The following MTOR variants were observed in gnomAD, a reference collection of about 807,000 sequenced individuals.
MTOR encodes the protein serine/threonine-protein kinase mTOR.
Under a neutral mutation model 319.8 loss-of-function variants are expected in MTOR, and 70 were observed. The observed-to-expected ratio is 0.22, with a 90% CI of 0.18 to 0.27. The LOEUF (loss-of-function observed/expected upper bound fraction) is 0.27. MTOR is among the 10% of genes least tolerant of loss of function. The pLI is 1.00. For synonymous variants in MTOR, 1,183 were observed against 1,211.4 expected, an observed-to-expected ratio of 0.98 and a Z score of 0.49; for missense variants, 1,890 against 3,274.4, an observed-to-expected ratio of 0.58 and a Z score of 10.32.
intron 46 of MTOR, among the ~76,000 whole-genome samples, chr1:11,126,028 C>CAA (rs1318070748): frequency 1.3e-5 from 1 of 79,280 alleles, no homozygotes; most frequent in Non-Finnish European, 2.3e-5. Context: ...GCAACAAGAG[C>CAA]AAAACTCTGG....
intron 30 of MTOR, among the ~76,000 whole-genome samples, chr1:11,153,952 C>G (rs1463618160): frequency 6.6e-6 from 1 of 150,738 alleles, no homozygotes. Context: ...GCCTGTAATC[C>G]CAGCTACTCA....
intron 9 of MTOR, among the ~76,000 whole-genome samples, chr1:11,242,307 C>T (rs571347251): frequency 3.3e-5 from 5 of 151,718 alleles, no homozygotes; most frequent in African/African-American, 4.8e-5. Context: ...GAGACCAGCC[C>T]GGCCAAAATG....
At position 11,128,658 on chromosome 1, in the gene MTOR, A is replaced by C. The variant is rs139884982; in HGVS notation, c.5812-106T>G. On this transcript the variant is annotated intron_variant, in intron 41 of 57. Transcript: ENST00000361445. The surrounding 1 kb of genome is among the most constrained non-coding windows in gnomAD (Gnocchi z 5.3). ...TAACTTGTTTCGGTTGATGCTCTGA[A>C]ATGGTTCATTCCCTTCCCTTTAGTT... 12 of 1,217,500 alleles carry C rather than the reference A, an allele frequency of 9.9e-6. No individual in the cohort carries two copies. The African/African-American group carries it at 1.3e-4, about 14-fold the overall frequency. The allele number at this position is 1,217,500 out of a possible 1,614,324, so 75.4% of individuals were successfully genotyped here.
chr1:11,130,826 C>G (rs1422140518), intron 38 of MTOR, 49 bp from the exon 39 acceptor site: 2 of 1,537,764 alleles, frequency 1.3e-6, no homozygotes, highest in Admixed American at 3.9e-5. Context: ...TGACCAACAG[C>G]AGGGCTCAGA....
intron 28 of MTOR, chr1:11,192,195 G>T: frequency 9.2e-7 from 1 of 1,085,644 alleles, no homozygotes; most frequent in Non-Finnish European, 1.4e-6. Context: ...AGAAATAAAG[G>T]CTCAGTCTCT....
chr1:11,183,462 T>C (rs982249443), intron 28 of MTOR, among the ~76,000 whole-genome samples: 2 of 152,112 alleles, frequency 1.3e-5, no homozygotes, highest in African/African-American at 2.4e-5. Context: ...TTGTGCTACC[T>C]TTTTCCTCCT....
At chr1:11,124,388 C>A (rs563944443) in intron 47 of MTOR, 110 bp downstream of exon 47, 2 of 1,397,242 alleles carry the variant, frequency 1.4e-6, no homozygotes, top group Admixed American at 2.2e-5. Flanking sequence ...ATGCCTGGCT[C>A]CCTAATTTTA....
chr1:11,144,916 A>T, intron 33 of MTOR, 52 bp downstream of exon 33: 1 of 1,597,652 alleles, frequency 6.3e-7, no homozygotes, highest in Non-Finnish European at 8.6e-7. Flanking sequence ...TTCTGAAAAA[A>T]GTATGGAAAT....
At position 11,128,193 on chromosome 1, in the gene MTOR, T is replaced by C; in HGVS notation, c.5911-67A>G. 6.3e-7 allele frequency: 1 copy of C among 1,587,780 alleles called. No individual in the cohort carries two copies. Among genetic ancestry groups the C allele is most frequent in the Middle Eastern group, 1.8e-4 (1 of 5,678 alleles). Reference sequence around the variant, plus strand: ...GTTGGGGAAGAGCTGGTATGAATTTTAAGGAGAATAACAAAACAAGTGGTG... The same window carrying C: ...GTTGGGGAAGAGCTGGTATGAATTTCAAGGAGAATAACAAAACAAGTGGTG... On this transcript the variant is annotated intron_variant, in intron 42 of 57. Transcript: ENST00000361445. The surrounding 1 kb of genome is among the most constrained non-coding windows in gnomAD (Gnocchi z 5.3).
chr1:11,219,952 G>A (rs1374861163), intron 19 of MTOR, among the ~76,000 whole-genome samples: 3 of 147,108 alleles, frequency 2.0e-5, no homozygotes, highest in East Asian at 2.0e-4. Context: ...AGGATCACTC[G>A]AACATGGAAG....
chr1:11,124,806 T>A (rs1202678937), intron 46 of MTOR, among the ~76,000 whole-genome samples, 173 bp from the exon 47 acceptor site: 1 of 152,258 alleles, frequency 6.6e-6, no homozygotes, highest in Admixed American at 6.5e-5. Context: ...GCTTTGCCTT[T>A]TATGGTTCTC....
At chr1:11,229,685 G>T (rs1024437488) in intron 18 of MTOR, among the ~76,000 whole-genome samples, 4 of 152,152 alleles carry the variant, frequency 2.6e-5, no homozygotes, top group Non-Finnish European at 1.5e-5. Context: ...GGAATAGTTG[G>T]GAGAATCAAT....
intron 36 of MTOR, among the ~76,000 whole-genome samples, chr1:11,134,904 CA>C (rs1643331968): frequency 6.6e-6 from 1 of 152,132 alleles, no homozygotes; most frequent in Non-Finnish European, 1.5e-5. Context: ...TCCAGCGGAG[CA>C]AAAACTATGG....
chr1:11,107,267 G>T lies in MTOR; in HGVS notation c.*218C>A. On this transcript the variant is annotated 3_prime_UTR_variant, in exon 58 of 58. Coordinates refer to ENST00000361445, the MANE Select transcript of MTOR (RefSeq NM_004958.4). ...TGGTATTACTATGTTTCACTGTCCT[G>T]GGAACCAAATCAAGCCTTGTGTTTC... 6.9e-7 allele frequency: 1 copy of T among 1,440,460 alleles called. No homozygotes were observed. 89.2% of individuals were successfully genotyped at this position (1,440,460 alleles called of 1,614,324 possible). A position where few individuals can be genotyped will look rare whatever the true frequency, so the allele number is the denominator to read the frequency against.
rs956614287 is a variant in MTOR, at chr1:11,151,856, C to G, written c.4470-1630G>C. 2.0e-5 allele frequency among the ~76,000 whole-genome samples: 3 copies of G among 151,902 alleles called. No homozygotes were observed. In the South Asian group the frequency reaches 6.3e-4, roughly 32 times the overall value. ...ATGCAAGCTGTCCCTCCTAACTCAG[C>G]CTCCCTCTATTATTTTTTCAGGATC... is the stretch of plus-strand genomic sequence containing the variant. On this transcript the variant is annotated intron_variant, in intron 30 of 57. Coordinates refer to ENST00000361445, the MANE Select transcript of MTOR (RefSeq NM_004958.4).
intron 30 of MTOR, among the ~76,000 whole-genome samples, chr1:11,155,578 AG>A (rs1644290562): frequency 1.3e-5 from 2 of 152,160 alleles, no homozygotes; most frequent in Admixed American, 6.5e-5. Context: ...TTCTGAAGAC[AG>A]GGGGTCACAG....
intron 19 of MTOR, among the ~76,000 whole-genome samples, chr1:11,223,641 A>G (rs1034208388): frequency 2.6e-5 from 4 of 152,190 alleles, no homozygotes; most frequent in African/African-American, 7.2e-5. Context: ...AAGGCAAAAG[A>G]TGAAATAAAA....
At chr1:11,112,418 T>C (rs779098412) in intron 54 of MTOR, among the ~76,000 whole-genome samples, 17 of 152,166 alleles carry the variant, frequency 1.1e-4, no homozygotes, top group Non-Finnish European at 2.2e-4. Flanking sequence ...AAACAGTAAA[T>C]AAAAAACATA....
At chr1:11,194,968 C>T (rs371259077) in intron 28 of MTOR, 2 of 1,614,088 alleles carry the variant, frequency 1.2e-6, no homozygotes, top group Non-Finnish European at 1.7e-6. Context: ...CATGGATCTA[C>T]CTACTCCCTC....
Sources: gnomAD v4.1 joint callset for allele counts (sites outside exome capture counted in the v4.1 genomes callset) on GRCh38, gnomAD v4.1.1 for gene constraint, Gnocchi (gnomAD v3.1) non-coding constraint, MANE v1.5 for transcripts, NCBI Gene and HGNC (gene_info 2026-07-23, HGNC 2026-07-21) for gene names.